FOXP2: variants seen among roughly 807,000 people sequenced by gnomAD.
FOXP2 encodes forkhead box P2, also known as forkhead box protein P2.
FOXP2 carries 12 observed loss-of-function variants against 115.8 expected under a neutral mutation model. The observed-to-expected ratio is 0.10, with a 90% CI of 0.07 to 0.17. FOXP2 has a LOEUF of 0.17. Ranked by LOEUF, FOXP2 falls within the 10% of genes least tolerant of loss-of-function variation. FOXP2 has a pLI of 1.00. For synonymous variants in FOXP2, 328 were observed against 297.7 expected (o/e 1.10, Z -1.05); for missense variants, 629 against 843.5 (o/e 0.75, Z 3.15).
At chr7:114,379,757 A>G (rs1792235040) in intron 2 of FOXP2, among the ~76,000 whole-genome samples, 1 of 152,164 alleles carries the variant, frequency 6.6e-6, no homozygotes, top group African/African-American at 2.4e-5. Context: ...GGCACACCTC[A>G]CAGGCCCTGA....
At chr7:114,636,980 C>T (rs1805256477) in intron 6 of FOXP2, among the ~76,000 whole-genome samples, 1 of 151,958 alleles carries the variant, frequency 6.6e-6, no homozygotes, top group Non-Finnish European at 1.5e-5. Context: ...TCAAGACTAG[C>T]CTGGGCAACA....
Position 114,631,671 on chromosome 7 carries a change from C to T in FOXP2, c.741C>T (p.Gly247=), listed in dbSNP as rs61732741. ...QRQGLISIPP[G]QAALPVQSLP... Reference sequence around the variant, plus strand: ...AGGGACTCATCTCCATTCCACCTGGCCAGGCAGCACTTCCTGTCCAATCGC... The same window carrying T: ...AGGGACTCATCTCCATTCCACCTGGTCAGGCAGCACTTCCTGTCCAATCGC... Residue 247 remains glycine, a synonymous_variant, in exon 6 of 17, where the codon GGC becomes GGT. Transcript: ENST00000350908. The T allele has an allele frequency of 2.0e-3, 3,151 of 1,614,116 alleles. 44 individuals are homozygous for T. In the African/African-American group the frequency reaches 0.037, roughly 19 times the overall value.
chr7:114,257,733 A>G (rs1008079614), intron 1 of FOXP2, among the ~76,000 whole-genome samples: 1 of 152,106 alleles, frequency 6.6e-6, no homozygotes, highest in Non-Finnish European at 1.5e-5. Context: ...GATTACTGGC[A>G]TGAGCCACCG....
chr7:114,412,576 T>A (rs1194881992), upstream of FOXP2, among the ~76,000 whole-genome samples: 1 of 152,162 alleles, frequency 6.6e-6, no homozygotes, highest in Non-Finnish European at 1.5e-5. Context: ...TTATATGTGC[T>A]TAGTGAAGCT....
chr7:114,439,330 T>C (rs750509541), intron 2 of FOXP2, among the ~76,000 whole-genome samples: 4 of 152,156 alleles, frequency 2.6e-5, no homozygotes. Context: ...TAACATAACC[T>C]TCCTGAGCCT....
intron 1 of FOXP2, among the ~76,000 whole-genome samples, chr7:114,253,329 T>G (rs1795505699): frequency 6.6e-6 from 1 of 152,118 alleles, no homozygotes; most frequent in Non-Finnish European, 1.5e-5. Context: ...AGAGCTGAGT[T>G]CAATTCCTGG....
chr7:114,577,423 A>G (rs1340166196), intron 3 of FOXP2, among the ~76,000 whole-genome samples: 1 of 152,034 alleles, frequency 6.6e-6, no homozygotes, highest in Non-Finnish European at 1.5e-5. Context: ...GCACTTATTT[A>G]CTTTCAAATA....
At chr7:114,351,437 G>A (rs1313926229) in intron 2 of FOXP2, among the ~76,000 whole-genome samples, 1 of 152,060 alleles carries the variant, frequency 6.6e-6, no homozygotes, top group Non-Finnish European at 1.5e-5. Flanking sequence ...TTCTTTGAAT[G>A]TGCTATAAAG....
chr7:114,165,219 A>G (rs1374690906), intron 1 of FOXP2, among the ~76,000 whole-genome samples: 1 of 152,180 alleles, frequency 6.6e-6, no homozygotes, highest in Non-Finnish European at 1.5e-5. Flanking sequence ...AAGGTCAGGG[A>G]CAAGGCAACG....
chr7:114,297,226 C>T (rs567417911), intron 2 of FOXP2: 2 of 480,804 alleles, frequency 4.2e-6, no homozygotes, highest in East Asian at 5.1e-5. Flanking sequence ...CTTGAGGGCC[C>T]GTTTGTCCTT....
chr7:114,363,884 A>C (rs746618893), intron 2 of FOXP2, among the ~76,000 whole-genome samples: 8 of 152,128 alleles, frequency 5.3e-5, no homozygotes, highest in Non-Finnish European at 8.8e-5. Flanking sequence ...TAAGCGCTAG[A>C]CTTGCTGTTC....
intron 3 of FOXP2, among the ~76,000 whole-genome samples, chr7:114,605,245 C>A (rs1803250644): frequency 6.6e-6 from 1 of 151,898 alleles, no homozygotes; most frequent in South Asian, 2.1e-4. Flanking sequence ...CTGGAGCATG[C>A]CAAAAGTAGA....
At chr7:114,500,314 A>C (rs1797513704) in intron 2 of FOXP2, among the ~76,000 whole-genome samples, 1 of 151,866 alleles carries the variant, frequency 6.6e-6, no homozygotes, top group Non-Finnish European at 1.5e-5. Context: ...TTTCGTCGTC[A>C]GTGAGGCTAG....
chr7:114,249,084 A>C (rs1795365072), intron 1 of FOXP2, among the ~76,000 whole-genome samples: 1 of 152,214 alleles, frequency 6.6e-6, no homozygotes, highest in African/African-American at 2.4e-5. Flanking sequence ...ATATGTATAG[A>C]ATGTCAGACA....
At chr7:114,321,662 C>T (rs751119954) in intron 2 of FOXP2, among the ~76,000 whole-genome samples, 1 of 152,098 alleles carries the variant, frequency 6.6e-6, no homozygotes, top group Non-Finnish European at 1.5e-5. Flanking sequence ...GTGGATAATA[C>T]AGGAATATAT....
chr7:114,205,362 T>C (rs929162618), intron 1 of FOXP2, among the ~76,000 whole-genome samples: 1 of 152,174 alleles, frequency 6.6e-6, no homozygotes, highest in Non-Finnish European at 1.5e-5. Flanking sequence ...AAAGAGTATA[T>C]TTGAAAAGCA....
At chr7:114,525,914 C>G (rs1001588966) in intron 2 of FOXP2, among the ~76,000 whole-genome samples, 7 of 151,720 alleles carry the variant, frequency 4.6e-5, no homozygotes, top group African/African-American at 1.7e-4. Flanking sequence ...GAGTTTCAGA[C>G]CAGCCTGAGC....
chr7:114,635,570 T>C (rs750208446), intron 6 of FOXP2, among the ~76,000 whole-genome samples: 4 of 152,132 alleles, frequency 2.6e-5, no homozygotes, highest in Non-Finnish European at 4.4e-5. Flanking sequence ...AAAAAACTAG[T>C]AAATACTTAC....
At chr7:114,215,209 A>G (rs1794455845) in intron 1 of FOXP2, among the ~76,000 whole-genome samples, 3 of 152,138 alleles carry the variant, frequency 2.0e-5, no homozygotes, top group African/African-American at 7.2e-5. Flanking sequence ...AAGAACACAA[A>G]TACTTCTTTT....
Sources: allele counts gnomAD v4.1 joint callset (sites outside exome capture counted in the v4.1 genomes callset), GRCh38; gene constraint gnomAD v4.1.1; transcripts MANE v1.5; gene names NCBI Gene and HGNC (gene_info 2026-07-23, HGNC 2026-07-21).